The following TPM4 variants were observed in gnomAD, a reference collection of about 807,000 sequenced individuals.
TPM4 encodes tropomyosin 4.
In TPM4, 17 loss-of-function variants were observed where a neutral mutation model predicts 35.8. The ratio of observed to expected loss-of-function variants is 0.47; its 90% CI spans 0.32 to 0.71. The LOEUF (loss-of-function observed/expected upper bound fraction) is 0.71, where lower values mean the gene tolerates loss of function less well. Among genes scored for constraint, TPM4 ranks in the 30% least tolerant of loss-of-function variants. The probability of loss-of-function intolerance (pLI) is 0.03; values close to 1 mark genes in which losing one functional copy is unlikely to be tolerated. For synonymous variants in TPM4, 120 were observed against 122.9 expected (o/e 0.98, Z 0.15); for missense variants, 240 against 320.9 (o/e 0.75, Z 1.93).
rs890254600 is a variant in TPM4 at position 16,102,087 on chromosome 19, T to C, written c.*741T>C. The C allele has an allele frequency of 5.0e-6, 1 of 200,988 alleles. No individual in the cohort carries two copies. Among genetic ancestry groups the C allele is most frequent in the African/African-American group, 2.3e-5 (1 of 43,516 alleles). 12.5% of individuals were successfully genotyped at this position (200,988 alleles called of 1,614,324 possible). On this transcript the variant is annotated 3_prime_UTR_variant, in exon 8 of 8. Coordinates refer to ENST00000643579, the MANE Select transcript of TPM4 (RefSeq NM_003290.3). ...GTTCCCTGGCCGGGAGCGTTGGCTT[T>C]CGCCTGTAATCCCAACACTTTGGGA...
upstream of TPM4, among the ~76,000 whole-genome samples, chr19:16,071,845 T>C (rs1299292902): frequency 2.0e-5 from 3 of 152,204 alleles, no homozygotes; most frequent in East Asian, 5.8e-4. Flanking sequence ...AGCAACATCC[T>C]CCACCACTGG....
chr19:16,095,312 T>G (rs759923903), intron 7 of TPM4: 3 of 1,038,202 alleles, frequency 2.9e-6, no homozygotes, highest in Non-Finnish European at 2.3e-6. Flanking sequence ...AGCGAGGAAC[T>G]GGACCACGCT....
At chr19:16,072,036 G>C (rs2090360978), upstream of TPM4, among the ~76,000 whole-genome samples, 1 of 152,204 alleles carries the variant, frequency 6.6e-6, no homozygotes, top group African/African-American at 2.4e-5. Context: ...TGGTCTGGCT[G>C]GTCTCAAACT....
intron 3 of TPM4, among the ~76,000 whole-genome samples, chr19:16,087,244 T>C (rs2090567024): frequency 6.6e-6 from 1 of 152,064 alleles, no homozygotes; most frequent in South Asian, 2.1e-4. Flanking sequence ...ACCACGCCAC[T>C]GCACTCCAGC....
chr19:16,071,654 C>T (rs1706023055), upstream of TPM4, among the ~76,000 whole-genome samples: 1 of 152,216 alleles, frequency 6.6e-6, no homozygotes, highest in South Asian at 2.1e-4. Context: ...AGCTAACGGC[C>T]AGTCCTGCTG....
chr19:16,100,164 C>T (rs1599387248), intron 7 of TPM4: 1 of 152,224 alleles, frequency 6.6e-6, no homozygotes. Context: ...GATATCGTTA[C>T]CCCCATTTGA....
chr19:16,084,227 G>A (rs8110506), intron 2 of TPM4, among the ~76,000 whole-genome samples: 71,594 of 152,090 alleles, frequency 0.47, 17,906 homozygotes, highest in East Asian at 0.72. Flanking sequence ...TGCATTTCTG[G>A]TTGTGCTGCT....
At position 16,102,338 on chromosome 19, in the gene TPM4, C is replaced by T. The variant is rs568579866; in HGVS notation, c.*992C>T. ...TGGTCGACAGAGTGAGACTCCATCT[C>T]AAGAAAAAATAAAAATAAAGTTGTT... On this transcript the variant is annotated 3_prime_UTR_variant, in exon 8 of 8. Coordinates refer to ENST00000643579, the MANE Select transcript of TPM4 (RefSeq NM_003290.3). 4.9e-6 allele frequency: 1 copy of T among 202,136 alleles called. No homozygotes were observed. The highest frequency in any genetic ancestry group is 1.9e-4 in the South Asian group (1 of 5,254). 12.5% of individuals were successfully genotyped at this position (202,136 alleles called of 1,614,324 possible).
At position 16,101,819 on chromosome 19, in the gene TPM4, G is replaced by A. The variant is rs2090765947; in HGVS notation, c.*473G>A. 4.4e-6 allele frequency: 1 copy of A among 228,108 alleles called. No individual in the cohort carries two copies. The highest frequency in any genetic ancestry group is 8.7e-6 in the Non-Finnish European group (1 of 114,936). 14.1% of individuals were successfully genotyped at this position (228,108 alleles called of 1,614,324 possible). ...CATGGGTAGGGATTTTCCATCCAGA[G>A]CCAATAAAAGGACTGGTGGGGGCCG... On this transcript the variant is annotated 3_prime_UTR_variant, in exon 8 of 8. Transcript: ENST00000643579.
intron 2 of TPM4, among the ~76,000 whole-genome samples, chr19:16,084,838 C>G (rs1468301747): frequency 2.0e-5 from 3 of 152,066 alleles, no homozygotes; most frequent in African/African-American, 7.2e-5. Flanking sequence ...GGGTGACACC[C>G]CACGTGAACA....
At position 16,079,236 on chromosome 19, in the gene TPM4, A is replaced by G. The variant is rs149866445; in HGVS notation, c.132+2539A>G. ...TTCTTAAAAGACAACTCATGAATCA[A>G]GCACCTCTGTTTGATCTTTAAAATC... On this transcript the variant is annotated intron_variant, in intron 1 of 7. Coordinates refer to ENST00000643579, the MANE Select transcript of TPM4 (RefSeq NM_003290.3). Among the ~76,000 whole-genome samples, 98 of 152,348 alleles carry G rather than the reference A, an allele frequency of 6.4e-4. 1 individual carries two copies. The highest frequency in any genetic ancestry group is 2.2e-3 in the African/African-American group (90 of 41,586).
rs1439900394 is a variant in TPM4, at chr19:16,067,941, CA to C, written c.114+204del. The C allele has an allele frequency of 3.8e-6, 2 of 526,498 alleles. No homozygotes were observed. The highest frequency in any genetic ancestry group is 6.6e-6 in the Non-Finnish European group (2 of 301,608). The allele number at this position is 526,498 out of a possible 1,614,324, so 32.6% of individuals were successfully genotyped here. A position where few individuals can be genotyped will look rare whatever the true frequency, so the allele number is the denominator to read the frequency against. ...GAGGGGTGACGATCGGACCCACCCC[CA>C]GCAGGGCCAGTGCGAACAAAGTGAG... On this transcript the variant is annotated intron_variant, in intron 2 of 2. Coordinates refer to the TPM4 transcript ENST00000589897. This position sits in a 1 kb window ranked among gnomAD's most constrained non-coding sequence, Gnocchi z 4.1.
At chr19:16,097,984 C>T (rs2090719794) in intron 7 of TPM4, among the ~76,000 whole-genome samples, 1 of 152,118 alleles carries the variant, frequency 6.6e-6, no homozygotes, top group African/African-American at 2.4e-5. Context: ...ATATATATGC[C>T]CTTGGAAAGA....
intron 4 of TPM4, chr19:16,088,324 T>C (rs1221737527): frequency 2.2e-6 from 3 of 1,369,132 alleles, no homozygotes; most frequent in Admixed American, 2.9e-5. Context: ...TGCAAAGATA[T>C]GAGGAAATAG....
intron 7 of TPM4, chr19:16,100,715 G>C (rs905868629): frequency 3.9e-5 from 6 of 152,452 alleles, no homozygotes; most frequent in African/African-American, 1.4e-4. Context: ...CTATGCGGGA[G>C]GCTGAGGTGG....
At position 16,101,361 on chromosome 19, in the gene TPM4, T is replaced by C. The variant is rs2144969357; in HGVS notation, c.*15T>C. On this transcript the variant is annotated 3_prime_UTR_variant, in exon 8 of 8. Coordinates refer to ENST00000643579, the MANE Select transcript of TPM4 (RefSeq NM_003290.3). ...ACTGTATATAAGCAAAACAGAAGAGTCTTGTTCCAACAGAAACTCTGGAGC... is the reference window on the plus strand; with the variant it reads ...ACTGTATATAAGCAAAACAGAAGAGCCTTGTTCCAACAGAAACTCTGGAGC... The C allele has an allele frequency of 6.4e-7, 1 of 1,564,596 alleles. No individual in the cohort carries two copies. The highest frequency in any genetic ancestry group is 2.0e-4 in the Middle Eastern group (1 of 5,112).
rs144339149 is a variant in TPM4 at position 16,070,273 on chromosome 19, G to T, written c.114+2535G>T. ...GGAACCCTGGCAATGAGAATGCATT[G>T]GAGTTCCAAGGCCGTGGCCATGGTT... On this transcript the variant is annotated intron_variant, in intron 2 of 2. Coordinates refer to the TPM4 transcript ENST00000589897. This position sits in a 1 kb window ranked among gnomAD's most constrained non-coding sequence, Gnocchi z 7.4. Among the ~76,000 whole-genome samples the T allele has an allele frequency of 1.3e-5, 2 of 152,286 alleles. No individual in the cohort carries two copies. The highest frequency in any genetic ancestry group is 2.9e-5 in the Non-Finnish European group (2 of 68,010).
chr19:16,081,049 G>A (rs571149343), intron 1 of TPM4: 11 of 398,458 alleles, frequency 2.8e-5, no homozygotes, highest in East Asian at 1.1e-4. Flanking sequence ...GAATTCCAAC[G>A]AGGCTCCCCC....
Position 16,101,328 on chromosome 19 carries a change from C to G in TPM4, c.729C>G (p.Asn243Lys). The change falls in exon 8 of 8, where the codon AAC becomes AAG. Residue 243 changes from asparagine to lysine, a missense_variant. Asn to Lys is a moderately conservative substitution (Grantham distance 94, BLOSUM62 0). Transcript: ENST00000643579. ...ATCAGACACTGGATCAGACACTAAA[C>G]GAACTTAACTGTATATAAGCAAAAC... ...GLHQTLDQTL[N>K]ELNCI 6.2e-7 allele frequency: 1 copy of G among 1,603,552 alleles called. No individual in the cohort carries two copies. Among genetic ancestry groups the G allele is most frequent in the Non-Finnish European group, 8.5e-7 (1 of 1,175,502 alleles).
Sources: gnomAD v4.1 joint callset for allele counts (sites outside exome capture counted in the v4.1 genomes callset) on GRCh38, gnomAD v4.1.1 for gene constraint, Gnocchi (gnomAD v3.1) non-coding constraint, MANE v1.5 for transcripts, NCBI Gene and HGNC (gene_info 2026-07-23, HGNC 2026-07-21) for gene names.